RPE65: variants seen among roughly 807,000 people sequenced by gnomAD.
RPE65 encodes the protein retinoid isomerohydrolase RPE65.
A neutral mutation model predicts 68.5 loss-of-function variants in RPE65; 58 were observed. That is an observed-to-expected ratio of 0.85 (90% confidence interval 0.69 to 1.05). The LOEUF (loss-of-function observed/expected upper bound fraction) is 1.05, where lower values mean the gene tolerates loss of function less well. Ranked by LOEUF, RPE65 falls within the 50% of genes least tolerant of loss-of-function variation. The pLI is 0.00. For missense variants in RPE65, 643 were observed against 629.9 expected (o/e 1.02, Z -0.22); for synonymous variants, 220 against 222.2 (o/e 0.99, Z 0.09).
At chr1:68,440,654 C>T (rs1645895366) in intron 6 of RPE65, among the ~76,000 whole-genome samples, 199 bp downstream of exon 6, 1 of 152,106 alleles carries the variant, frequency 6.6e-6, no homozygotes, top group Admixed American at 6.6e-5. Context: ...TCTATATTTT[C>T]AAGTCGTCAT....
At position 68,438,292 on chromosome 1, in the gene RPE65, T is replaced by A; in HGVS notation, c.1023A>T (p.Leu341Phe). 6.2e-7 allele frequency: 1 copy of A among 1,613,522 alleles called. No homozygotes were observed. Residue 341 changes from leucine to phenylalanine, a missense_variant, in exon 10 of 14, where the codon TTA becomes TTT. By Grantham distance (22) the Leu-to-Phe change is conservative. Coordinates refer to ENST00000262340, the MANE Select transcript of RPE65 (RefSeq NM_000329.3). Reference sequence around the variant, plus strand: ...AGTTCTCACGTAAATTGGCTAAATATAAGTAATTATAAACAAACTCAAATC... The same window carrying A: ...AGTTCTCACGTAAATTGGCTAAATAAAAGTAATTATAAACAAACTCAAATC... Reference protein sequence around the residue: ...WKGFEFVYNYLYLANLRENWE... With the variant: ...WKGFEFVYNYFYLANLRENWE...
At chr1:68,443,499 G>A (rs960638669) in intron 5 of RPE65, among the ~76,000 whole-genome samples, 2 of 152,092 alleles carry the variant, frequency 1.3e-5, no homozygotes, top group Admixed American at 6.5e-5. Flanking sequence ...CTACCTCCAT[G>A]CTTTTGATCG....
At position 68,438,299 on chromosome 1, in the gene RPE65, T is replaced by G. The variant is rs762755850; in HGVS notation, c.1016A>C (p.Asn339Thr). 6.2e-7 allele frequency: 1 copy of G among 1,613,526 alleles called. No homozygotes were observed. Among genetic ancestry groups the G allele is most frequent in the Admixed American group, 1.7e-5 (1 of 59,984 alleles). ...CCWKGFEFVY[N>T]YLYLANLREN... The stretch of plus-strand genomic sequence containing the variant: ...ACGTAAATTGGCTAAATATAAGTAA[T>G]TATAAACAAACTCAAATCTGCAAAA... Residue 339 changes from asparagine (N) to threonine (T), a missense_variant, in exon 10 of 14, where the codon AAT becomes ACT. Transcript: ENST00000262340.
At position 68,444,672 on chromosome 1, in the gene RPE65, C is replaced by G; in HGVS notation, c.354G>C (p.Arg118Ser). Residue 118 changes from arginine (R) to serine (S), a missense_variant and splice_region_variant, in exon 5 of 14, where the codon AGG (arginine) becomes AGC (serine). Physicochemically the swap from Arg to Ser is moderately radical, Grantham distance 110. Transcript: ENST00000262340. ...FPDPCKNIFS[R>S]FFSYFRGVEV... ...CTACTCCTCGAAAGTAAGAAAAAAA[C>G]CTGTAGAAACAAATGAATTTTTCAG... 1 of 1,614,078 alleles carries G rather than the reference C, an allele frequency of 6.2e-7. No homozygotes were observed. Among genetic ancestry groups the G allele is most frequent in the African/African-American group, 1.3e-5 (1 of 75,008 alleles).
At position 68,429,208 on chromosome 1, in the gene RPE65, T is replaced by C. The variant is rs1645802558; in HGVS notation, c.*568A>G. The C allele has an allele frequency of 6.5e-6, 1 of 153,088 alleles. No homozygotes were observed. Among genetic ancestry groups the C allele is most frequent in the South Asian group, 2.1e-4 (1 of 4,866 alleles). The allele number at this position is 153,088 out of a possible 1,614,324, so 9.5% of individuals were successfully genotyped here. A position where few individuals can be genotyped will look rare whatever the true frequency, so the allele number is the denominator to read the frequency against. On this transcript the variant is annotated 3_prime_UTR_variant, in exon 14 of 14. Coordinates refer to ENST00000262340, the MANE Select transcript of RPE65 (RefSeq NM_000329.3). The stretch of plus-strand genomic sequence containing the variant: ...AATCAGAAATAATAGTACTTGCTTG[T>C]AATAAACGGAAAGGTTAACATTCAT...
intron 10 of RPE65, among the ~76,000 whole-genome samples, chr1:68,437,270 A>G (rs1645868564): frequency 6.6e-6 from 1 of 152,154 alleles, no homozygotes; most frequent in Non-Finnish European, 1.5e-5. Flanking sequence ...TAAATAAACC[A>G]AACTCAGCAA....
chr1:68,445,035 T>G, intron 3 of RPE65, 152 bp from the exon 4 acceptor site: 1 of 733,074 alleles, frequency 1.4e-6, no homozygotes, highest in Non-Finnish European at 2.4e-6. Context: ...CTCACTTTCT[T>G]GGGGTGACCA....
At chr1:68,448,363 C>CTAGG in intron 2 of RPE65, among the ~76,000 whole-genome samples, 1 of 152,282 alleles carries the variant, frequency 6.6e-6, no homozygotes, top group East Asian at 1.9e-4. Context: ...AGGCACTGAG[C>CTAGG]TAGGCACTGA....
chr1:68,435,380 C>T (rs1229095330), intron 10 of RPE65, among the ~76,000 whole-genome samples: 2 of 152,066 alleles, frequency 1.3e-5, no homozygotes, highest in East Asian at 1.9e-4. Context: ...GATTTCCCCC[C>T]CTGCCTGCAG....
At chr1:68,440,760 T>C in intron 6 of RPE65, 93 bp downstream of exon 6, 3 of 1,510,224 alleles carry the variant, frequency 2.0e-6, no homozygotes, top group Non-Finnish European at 2.7e-6. Context: ...ATGCACAAAA[T>C]GCTATTCTGA....
intron 10 of RPE65, among the ~76,000 whole-genome samples, chr1:68,432,508 C>T (rs1039219069): frequency 1.3e-5 from 2 of 151,866 alleles, no homozygotes; most frequent in African/African-American, 2.4e-5. Flanking sequence ...AGAGTGTTCA[C>T]GCTAAGAGAA....
chr1:68,442,891 T>C (rs1268172845), intron 5 of RPE65, among the ~76,000 whole-genome samples: 1 of 152,198 alleles, frequency 6.6e-6, no homozygotes, highest in Non-Finnish European at 1.5e-5. Context: ...AAATAGTCTG[T>C]TGAGAATTAT....
chr1:68,449,521 A>G (rs751150779), intron 1 of RPE65, among the ~76,000 whole-genome samples: 12 of 152,224 alleles, frequency 7.9e-5, no homozygotes, highest in Non-Finnish European at 1.3e-4. Flanking sequence ...ATCTCACAGT[A>G]ACATAATGGA....
At position 68,440,984 on chromosome 1, in the gene RPE65, T is replaced by C. The variant is rs746904646; in HGVS notation, c.512A>G (p.Tyr171Cys). The stretch of plus-strand genomic sequence containing the variant: ...AGCAGTGGCCCCATTGACAGAGACA[T>C]AGTTGCAAAGATCAACCTACGGAAG... Reference protein sequence around the residue: ...ETIKQVDLCNYVSVNGATAHP... With the variant: ...ETIKQVDLCNCVSVNGATAHP... Residue 171 changes from tyrosine to cysteine, a missense_variant, in exon 6 of 14, where the codon TAT becomes TGT. Coordinates refer to ENST00000262340, the MANE Select transcript of RPE65 (RefSeq NM_000329.3). The C allele has an allele frequency of 5.6e-6, 9 of 1,613,848 alleles. No individual in the cohort carries two copies. The South Asian group carries it at 7.7e-5, about 14-fold the overall frequency.
In RPE65 at chr1:68,444,865, A is replaced by G. The variant is rs771159132; in HGVS notation, c.264T>C (p.Ala88=). ...TYHRRFIRTD[A]YVRAMTEKRI... ...TTTTCTCAGTCATTGCCCGTACGTAAGCATCAGTGCGGATGAACCTGAAGG... is the reference window on the plus strand; with the variant it reads ...TTTTCTCAGTCATTGCCCGTACGTAGGCATCAGTGCGGATGAACCTGAAGG... The change falls in exon 4 of 14, where the codon GCT becomes GCC. Residue 88 remains alanine (A), a synonymous_variant. Transcript: ENST00000262340. The G allele has an allele frequency of 2.5e-6, 4 of 1,614,014 alleles. No homozygotes were observed. Among genetic ancestry groups the G allele is most frequent in the African/African-American group, 2.7e-5 (2 of 74,904 alleles).
rs1375499903 is a variant in RPE65 at position 68,444,386 on chromosome 1, T to C, written c.495+145A>G. ...AAGCATCATAGACAGAGGCAATCAG[T>C]GCAGTCCATTTGGAGCTTGGAATGG... is the stretch of plus-strand genomic sequence containing the variant. On this transcript the variant is annotated intron_variant, in intron 5 of 13. Transcript: ENST00000262340. The C allele has an allele frequency of 5.9e-6, 6 of 1,017,366 alleles. No homozygotes were observed. The East Asian group carries it at 1.2e-4, about 21-fold the overall frequency. The allele number at this position is 1,017,366 out of a possible 1,614,324, so 63.0% of individuals were successfully genotyped here.
rs992430227 is a variant in RPE65, at chr1:68,431,985, A to G, written c.1129-400T>C. 3.2e-4 allele frequency among the ~76,000 whole-genome samples: 48 copies of G among 151,928 alleles called. 1 individual carries two copies. The highest frequency in any genetic ancestry group is 3.0e-3 in the Admixed American group (46 of 15,258). ...AAGACTTCGACTGCCTGAGGGATGAAAGAATGTATATTTCGTTCACACGTA... is the reference window on the plus strand; with the variant it reads ...AAGACTTCGACTGCCTGAGGGATGAGAGAATGTATATTTCGTTCACACGTA... On this transcript the variant is annotated intron_variant, in intron 10 of 13. Transcript: ENST00000262340.
At chr1:68,434,111 TATATACACAC>T (rs958874114) in intron 10 of RPE65, among the ~76,000 whole-genome samples, 5 of 142,582 alleles carry the variant, frequency 3.5e-5, no homozygotes, top group Admixed American at 1.4e-4. Context: ...TATATATATA[TATATACACAC>T]ACACACACAC....
rs1268808384 is a variant in RPE65, at chr1:68,446,794, G to T, written c.161C>A (p.Ser54Tyr). 1.9e-6 allele frequency: 3 copies of T among 1,614,068 alleles called. No homozygotes were observed. Among genetic ancestry groups the T allele is most frequent in the Non-Finnish European group, 2.5e-6 (3 of 1,180,042 alleles). The change falls in exon 3 of 14, where the codon TCT becomes TAT. Residue 54 changes from serine (S) to tyrosine (Y), a missense_variant. Ser to Tyr is a moderately radical substitution (Grantham distance 144). Transcript: ENST00000262340. ...RCGPGLFEVGSEPFYHLFDGQ... is the reference protein window; with the variant it reads ...RCGPGLFEVGYEPFYHLFDGQ... Reference sequence around the variant, plus strand: ...ATCAAACAGGTGGTAAAATGGCTCAGATCCAACTTCAAAGAGTCCTGGCCC... The same window carrying T: ...ATCAAACAGGTGGTAAAATGGCTCATATCCAACTTCAAAGAGTCCTGGCCC...
Sources: allele counts gnomAD v4.1 joint callset (sites outside exome capture counted in the v4.1 genomes callset), GRCh38; gene constraint gnomAD v4.1.1; transcripts MANE v1.5; gene names NCBI Gene and HGNC (gene_info 2026-07-23, HGNC 2026-07-21).